The following BAZ2B variants were observed in gnomAD, a reference collection of about 807,000 sequenced individuals.
BAZ2B encodes the protein bromodomain adjacent to zinc finger domain 2B, also known as bromodomain adjacent to zinc finger domain protein 2B.
A neutral mutation model predicts 246.0 loss-of-function variants in BAZ2B; 91 were observed. The ratio of observed to expected loss-of-function variants is 0.37; its 90% confidence interval spans 0.31 to 0.44. The LOEUF is 0.44. Ranked by LOEUF, BAZ2B falls within the 20% of genes least tolerant of loss-of-function variation. The pLI is 1.00. For missense variants in BAZ2B, 2,332 were observed against 2,533.7 expected, an observed-to-expected ratio of 0.92 and a Z score of 1.71; for synonymous variants, 855 against 860.0, an observed-to-expected ratio of 0.99 and a Z score of 0.10.
chr2:159,380,367 G>T (rs772394118), intron 25 of BAZ2B, among the ~76,000 whole-genome samples: 2 of 152,118 alleles, frequency 1.3e-5, no homozygotes, highest in Non-Finnish European at 2.9e-5. Flanking sequence ...ATAAAACTGT[G>T]TTGACACTGG....
At chr2:159,659,412 T>A in the BAZ2B span, among the ~76,000 whole-genome samples, 1 of 152,204 alleles carries the variant, frequency 6.6e-6, no homozygotes, top group Non-Finnish European at 1.5e-5. Context: ...TCTTTGAACA[T>A]GTGTAGTTTG....
rs549334296 is a variant in BAZ2B at position 159,585,802 on chromosome 2, G to A, written c.-45-29937C>T. Among the ~76,000 whole-genome samples, 24 of 152,340 alleles carry A rather than the reference G, an allele frequency of 1.6e-4. No individual in the cohort carries two copies. The East Asian group carries it at 4.0e-3, about 26-fold the overall frequency. ...CTAGGACTTTGTCCCTATGCTAAATGGTGCCAGCCAGACTGCTTTCAAGTT... is the reference window on the plus strand; with the variant it reads ...CTAGGACTTTGTCCCTATGCTAAATAGTGCCAGCCAGACTGCTTTCAAGTT... On this transcript the variant is annotated intron_variant, in intron 1 of 36. Transcript: ENST00000392783.
chr2:159,604,291 G>C (rs1461229414), intron 1 of BAZ2B, among the ~76,000 whole-genome samples: 2 of 151,156 alleles, frequency 1.3e-5, no homozygotes, highest in African/African-American at 2.4e-5. Flanking sequence ...TTTATTTTTA[G>C]AGGTAGGAGT....
chr2:159,577,508 A>T (rs1685637662), intron 1 of BAZ2B, among the ~76,000 whole-genome samples: 1 of 152,196 alleles, frequency 6.6e-6, no homozygotes, highest in African/African-American at 2.4e-5. Flanking sequence ...TAAATTTGAA[A>T]AACAAAGAAC....
intron 27 of BAZ2B, among the ~76,000 whole-genome samples, chr2:159,356,131 G>C (rs1180218643): frequency 6.6e-6 from 1 of 152,138 alleles, no homozygotes; most frequent in South Asian, 2.1e-4. Context: ...GAGTGCCAGC[G>C]AGACAGAACC....
chr2:159,639,545 C>T, the BAZ2B span, among the ~76,000 whole-genome samples: 1 of 152,128 alleles, frequency 6.6e-6, no homozygotes, highest in African/African-American at 2.4e-5. Flanking sequence ...GGGAGATGAA[C>T]TTAAAGTATA....
intron 31 of BAZ2B, among the ~76,000 whole-genome samples, chr2:159,342,432 C>T (rs62172724): frequency 5.9e-5 from 9 of 152,130 alleles, no homozygotes; most frequent in Admixed American, 2.6e-4. Context: ...ACTATAGGCA[C>T]GTGTCACTAC....
At chr2:159,693,566 G>A in the BAZ2B span, 1 of 151,780 alleles carries the variant, frequency 6.6e-6, no homozygotes, top group African/African-American at 2.4e-5. Context: ...TGCGACCATA[G>A]GCATGTGCCA....
At chr2:159,337,181 A>C in intron 32 of BAZ2B, 104 bp from the exon 33 acceptor site, 2 of 1,378,630 alleles carry the variant, frequency 1.5e-6, no homozygotes, top group Non-Finnish European at 2.0e-6. Flanking sequence ...AAAAACATGT[A>C]ACAGCCAATA....
chr2:159,523,009 T>G (rs2151273296), intron 2 of BAZ2B, among the ~76,000 whole-genome samples: 1 of 152,304 alleles, frequency 6.6e-6, no homozygotes, highest in South Asian at 2.1e-4. Context: ...CTCACACCTG[T>G]GATCCCAACA....
intron 26 of BAZ2B, among the ~76,000 whole-genome samples, chr2:159,374,189 C>G (rs935621752): frequency 6.6e-6 from 1 of 150,746 alleles, no homozygotes; most frequent in Non-Finnish European, 1.5e-5. Flanking sequence ...GGATTACAGG[C>G]GTAAACCACT....
At chr2:159,507,910 G>A (rs940026857) in intron 2 of BAZ2B, among the ~76,000 whole-genome samples, 1 of 152,104 alleles carries the variant, frequency 6.6e-6, no homozygotes, top group Non-Finnish European at 1.5e-5. Flanking sequence ...TCCCTCTGTC[G>A]CCCAGGCTGG....
At chr2:159,590,318 A>G (rs1361888043) in intron 1 of BAZ2B, among the ~76,000 whole-genome samples, 3 of 149,220 alleles carry the variant, frequency 2.0e-5, no homozygotes, top group African/African-American at 7.4e-5. Flanking sequence ...GGCCAGGTAC[A>G]GTGGCTCACG....
intron 3 of BAZ2B, among the ~76,000 whole-genome samples, chr2:159,471,848 C>T (rs1332083137): frequency 6.6e-6 from 1 of 152,032 alleles, no homozygotes; most frequent in African/African-American, 2.4e-5. Context: ...AATTTATATT[C>T]TTACATAGAA....
chr2:159,571,063 A>T (rs1273711549), intron 1 of BAZ2B, among the ~76,000 whole-genome samples: 2 of 152,140 alleles, frequency 1.3e-5, no homozygotes. Flanking sequence ...CATGTTGACC[A>T]GGCTGGTCTT....
At chr2:159,643,214 C>T in the BAZ2B span, among the ~76,000 whole-genome samples, 1 of 152,060 alleles carries the variant, frequency 6.6e-6, no homozygotes, top group Admixed American at 6.6e-5. Context: ...GTGGTTTAAC[C>T]CACAAAATTT....
At chr2:159,486,071 G>A (rs949193839) in intron 2 of BAZ2B, among the ~76,000 whole-genome samples, 23 of 152,120 alleles carry the variant, frequency 1.5e-4, no homozygotes, top group African/African-American at 4.8e-4. Context: ...AAGATAATAA[G>A]AGTTAAGAAA....
Position 159,384,836 on chromosome 2 carries a change from C to G in BAZ2B, c.3686+319G>C, listed in dbSNP as rs567088187. On this transcript the variant is annotated intron_variant, in intron 23 of 36. Transcript: ENST00000392783. ...AAAATTCTGTATTCTTGTGGTGGTA[C>G]CACATTCTGGTACCATAGCAACTAA... Among the ~76,000 whole-genome samples, 326 of 151,984 alleles carry G rather than the reference C, an allele frequency of 2.1e-3. 2 individuals carry two copies. Among genetic ancestry groups the G allele is most frequent in the South Asian group, 0.01 (50 of 4,810 alleles).
rs1287760658 is a variant in BAZ2B, at chr2:159,432,884, G to C, written c.1773C>G (p.Phe591Leu). 1 of 1,614,058 alleles carries C rather than the reference G, an allele frequency of 6.2e-7. No homozygotes were observed. The highest frequency in any genetic ancestry group is 8.5e-7 in the Non-Finnish European group (1 of 1,180,008). ...TGGGAATGTCTGAATCTGTTCCTCT[G>C]AATTGTTCCACTAAAGATTTTGCAG... ...SHPAKSLVEQ[F>L]RGTDSDIPSS... The change falls in exon 9 of 37, where the codon TTC (phenylalanine) becomes TTG (leucine). Residue 591 changes from phenylalanine to leucine, a missense_variant. Physicochemically the swap from Phe to Leu is conservative, Grantham distance 22. This residue lies in a region of BAZ2B where 651 missense variants were observed against 650.9 expected (regional missense o/e 1.00). Coordinates refer to ENST00000392783, the MANE Select transcript of BAZ2B (RefSeq NM_013450.4).
Sources: gnomAD v4.1 joint callset for allele counts (sites outside exome capture counted in the v4.1 genomes callset) on GRCh38, gnomAD v4.1.1 for gene constraint, gnomAD v4.1.1 regional missense constraint, MANE v1.5 for transcripts, NCBI Gene and HGNC (gene_info 2026-07-23, HGNC 2026-07-21) for gene names.